CADM2: variants seen among roughly 807,000 people sequenced by gnomAD.
The protein encoded by CADM2 is cell adhesion molecule 2.
CADM2 carries 12 observed loss-of-function variants against 49.8 expected under a neutral mutation model. The observed-to-expected ratio is 0.24, with a 90% CI of 0.15 to 0.39. The LOEUF (loss-of-function observed/expected upper bound fraction) is 0.39. CADM2 is among the 10% of genes least tolerant of loss of function. The probability of loss-of-function intolerance (pLI) is 1.00; values close to 1 mark genes in which losing one functional copy is unlikely to be tolerated. For missense variants in CADM2, 378 were observed against 492.3 expected (o/e 0.77, Z 2.20); for synonymous variants, 214 against 175.4 (o/e 1.22, Z -1.74).
chr3:85,901,672 A>G (rs1461947369), intron 5 of CADM2, among the ~76,000 whole-genome samples: 1 of 152,204 alleles, frequency 6.6e-6, no homozygotes, highest in Non-Finnish European at 1.5e-5. Flanking sequence ...AATTCACATC[A>G]TCAAATTCAT....
chr3:84,964,767 C>A (rs1396244420), intron 1 of CADM2, among the ~76,000 whole-genome samples: 1 of 152,150 alleles, frequency 6.6e-6, no homozygotes, highest in African/African-American at 2.4e-5. Flanking sequence ...TTCTTATCCT[C>A]ATTTTAGTAG....
chr3:86,045,070 G>C (rs747283436), intron 8 of CADM2, among the ~76,000 whole-genome samples: 2 of 150,628 alleles, frequency 1.3e-5, no homozygotes, highest in Admixed American at 6.6e-5. Context: ...GGTGGTGGGA[G>C]GGGGGAGGGA....
chr3:85,599,498 C>T (rs1042959713), intron 1 of CADM2, among the ~76,000 whole-genome samples: 2 of 151,732 alleles, frequency 1.3e-5, no homozygotes, highest in Non-Finnish European at 2.9e-5. Flanking sequence ...TTCTTTCTGT[C>T]ATTAAAATCC....
chr3:86,046,973 C>CCAAA (rs1451332416), intron 8 of CADM2, among the ~76,000 whole-genome samples: 1 of 151,664 alleles, frequency 6.6e-6, no homozygotes, highest in Non-Finnish European at 1.5e-5. Flanking sequence ...AGACTCCATT[C>CCAAA]ATTTATCAAA....
intron 3 of CADM2, among the ~76,000 whole-genome samples, chr3:85,877,564 T>C (rs964386027): frequency 4.6e-5 from 7 of 152,050 alleles, no homozygotes; most frequent in Non-Finnish European, 1.0e-4. Flanking sequence ...CAAAGTTCAC[T>C]CATTCAGTAG....
At chr3:85,057,569 T>G (rs2036132786) in intron 1 of CADM2, among the ~76,000 whole-genome samples, 1 of 152,136 alleles carries the variant, frequency 6.6e-6, no homozygotes, top group South Asian at 2.1e-4. Flanking sequence ...TGATACCGTT[T>G]GTTTCTTGAG....
At chr3:85,809,658 CCCTTCCTTCCTTCCTTCCTT>C (rs538027252) in intron 3 of CADM2, among the ~76,000 whole-genome samples, 1,390 of 68,960 alleles carry the variant, frequency 0.02, 57 homozygotes, top group African/African-American at 0.072. Context: ...AACATTTTCT[CCCTTCCTTCCTTCCTTCCTT>C]CCTTCCTTCC....
At position 85,746,437 on chromosome 3, in the gene CADM2, C is replaced by T. The variant is rs533393057; in HGVS notation, c.88+19889C>T. Among the ~76,000 whole-genome samples the T allele has an allele frequency of 3.3e-5, 5 of 152,184 alleles. No individual in the cohort carries two copies. In the East Asian group the frequency reaches 7.7e-4, roughly 24 times the overall value. ...ATATGGAGAATTTGTATTGTAACAT[C>T]GATATTCTAAGCACAAAAACAAGTG... On this transcript the variant is annotated intron_variant, in intron 2 of 9. Transcript: ENST00000383699.
At chr3:85,741,630 T>A (rs972256791) in intron 2 of CADM2, among the ~76,000 whole-genome samples, 1 of 152,182 alleles carries the variant, frequency 6.6e-6, no homozygotes, top group African/African-American at 2.4e-5. Flanking sequence ...ATCGTGCCAT[T>A]GCACTCCAGC....
intron 1 of CADM2, among the ~76,000 whole-genome samples, chr3:85,126,083 G>A (rs573204957): frequency 2.2e-4 from 34 of 151,954 alleles, no homozygotes; most frequent in Non-Finnish European, 3.4e-4. Context: ...TAAAAATATT[G>A]TACATTACTC....
intron 1 of CADM2, among the ~76,000 whole-genome samples, chr3:85,345,677 A>C (rs1212917148): frequency 6.6e-6 from 1 of 152,210 alleles, no homozygotes; most frequent in Non-Finnish European, 1.5e-5. Context: ...GATACATAGG[A>C]GGCATGACAT....
At chr3:85,835,476 A>G (rs907803097) in intron 3 of CADM2, among the ~76,000 whole-genome samples, 4 of 151,274 alleles carry the variant, frequency 2.6e-5, no homozygotes, top group Non-Finnish European at 4.4e-5. Flanking sequence ...TCTATAGGCA[A>G]AACAGAACTA....
intron 1 of CADM2, among the ~76,000 whole-genome samples, chr3:85,649,563 T>G (rs955322037): frequency 6.6e-6 from 1 of 152,186 alleles, no homozygotes; most frequent in African/African-American, 2.4e-5. Flanking sequence ...TATGGTACCT[T>G]TAGTTACAAA....
intron 1 of CADM2, among the ~76,000 whole-genome samples, chr3:85,084,544 T>A (rs981195059): frequency 1.1e-4 from 16 of 152,176 alleles, no homozygotes; most frequent in African/African-American, 3.9e-4. Flanking sequence ...AAATTGAGAT[T>A]GTGAAGACTT....
intron 1 of CADM2, among the ~76,000 whole-genome samples, chr3:85,721,583 C>T (rs1456107941): frequency 6.6e-6 from 1 of 152,190 alleles, no homozygotes; most frequent in Non-Finnish European, 1.5e-5. Context: ...GGGCGGGCAG[C>T]TCCAGGTGCC....
chr3:85,559,687 C>CACATACAT (rs1335331798), intron 1 of CADM2, among the ~76,000 whole-genome samples: 5 of 49,372 alleles, frequency 1.0e-4, no homozygotes, highest in African/African-American at 2.3e-4. Context: ...CACACACACA[C>CACATACAT]ATATATATAT....
At chr3:84,984,454 A>G (rs753807400) in intron 1 of CADM2, among the ~76,000 whole-genome samples, 2 of 146,916 alleles carry the variant, frequency 1.4e-5, no homozygotes, top group Non-Finnish European at 3.0e-5. Context: ...TAATCTTTAT[A>G]TGGCCTTTTC....
intron 2 of CADM2, among the ~76,000 whole-genome samples, chr3:85,767,312 G>A (rs146889126): frequency 6.6e-6 from 1 of 152,106 alleles, no homozygotes; most frequent in Non-Finnish European, 1.5e-5. Flanking sequence ...CAAATAAGCC[G>A]GCGGCTGCTT....
intron 1 of CADM2, among the ~76,000 whole-genome samples, chr3:85,199,577 G>T (rs1374170415): frequency 1.3e-5 from 2 of 151,516 alleles, no homozygotes; most frequent in African/African-American, 4.8e-5. Flanking sequence ...ACATGTTGAT[G>T]GCAAATGTTT....
Sources: allele counts gnomAD v4.1 joint callset (sites outside exome capture counted in the v4.1 genomes callset), GRCh38; gene constraint gnomAD v4.1.1; transcripts MANE v1.5; gene names NCBI Gene and HGNC (gene_info 2026-07-23, HGNC 2026-07-21).